The following OR7C1 variants were observed in gnomAD, a reference collection of about 807,000 sequenced individuals.
OR7C1 encodes the protein olfactory receptor 7C1.
For missense variants in OR7C1, 324 were observed against 383.3 expected, an observed-to-expected ratio of 0.85 and a Z score of 1.29; for synonymous variants, 152 against 160.7, an observed-to-expected ratio of 0.95 and a Z score of 0.41.
intron 1 of OR7C1, among the ~76,000 whole-genome samples, chr19:14,834,217 A>G (rs770644117): frequency 2.0e-5 from 3 of 152,196 alleles, no homozygotes; most frequent in Non-Finnish European, 2.9e-5. Flanking sequence ...AGCTGAGATC[A>G]TGCTACTGCA....
chr19:14,832,327 A>G (rs987206050), intron 1 of OR7C1, among the ~76,000 whole-genome samples: 6 of 152,178 alleles, frequency 3.9e-5, no homozygotes, highest in African/African-American at 1.4e-4. Flanking sequence ...CACAAGGTCA[A>G]AATGAGCAGG....
chr19:14,814,906 T>C (rs1013231560), intron 1 of OR7C1, among the ~76,000 whole-genome samples: 2 of 152,228 alleles, frequency 1.3e-5, no homozygotes, highest in African/African-American at 4.8e-5. Flanking sequence ...ACCATGAGAC[T>C]GGCAGAACAG....
At chr19:14,809,160 T>G (rs2044679395) in intron 2 of OR7C1, among the ~76,000 whole-genome samples, 1 of 151,970 alleles carries the variant, frequency 6.6e-6, no homozygotes, top group Admixed American at 6.5e-5. Flanking sequence ...AAACTCACTG[T>G]TGTGCTGATG....
chr19:14,827,343 G>A lies in OR7C1; in HGVS notation c.-623+7731C>T, dbSNP rs138862455. 1.5e-4 allele frequency: 236 copies of A among 1,595,118 alleles called. No individual in the cohort carries two copies. In the African/African-American group the frequency reaches 2.7e-3, roughly 18 times the overall value. On this transcript the variant is annotated intron_variant, in intron 1 of 4. Coordinates refer to ENST00000641666, the Ensembl canonical transcript of OR7C1. ...TCCCCACAACAAATGTATTCCCAGA[G>A]CCCTCTTTATGTCTTTATTCCTCAG...
rs140096971 is a variant in OR7C1, at chr19:14,819,392, C to T, written c.-622-9399G>A. On this transcript the variant is annotated intron_variant, in intron 1 of 4. Transcript: ENST00000641666. ...GTGTCCCCGTGTTCTCACTCTTCAG[C>T]TCCCAGTTATAAGTGGGAACATGTG... 6.1e-4 allele frequency among the ~76,000 whole-genome samples: 93 copies of T among 152,212 alleles called. 1 individual carries two copies. The highest frequency in any genetic ancestry group is 6.8e-3 in the Middle Eastern group (2 of 294).
intron 1 of OR7C1, among the ~76,000 whole-genome samples, chr19:14,818,105 TTTG>T (rs2044724690): frequency 6.6e-6 from 1 of 151,174 alleles, no homozygotes; most frequent in Admixed American, 6.6e-5. Context: ...TTTATTTATT[TTTG>T]AGACGGAGTC....
intron 2 of OR7C1, among the ~76,000 whole-genome samples, chr19:14,801,176 T>A (rs1157827186): frequency 1.3e-5 from 2 of 152,214 alleles, no homozygotes; most frequent in Non-Finnish European, 2.9e-5. Flanking sequence ...TTCTCCTCCA[T>A]GTCTTCCCTC....
exon 5 of OR7C1, chr19:14,798,969 T>G: frequency 3.9e-6 from 2 of 517,852 alleles, no homozygotes; most frequent in Non-Finnish European, 6.2e-6. Flanking sequence ...AGAAAAGAAA[T>G]GATTTTGAGG....
chr19:14,806,177 T>C (rs74962154), intron 2 of OR7C1, among the ~76,000 whole-genome samples: 4,238 of 151,982 alleles, frequency 0.028, 196 homozygotes, highest in African/African-American at 0.079. Flanking sequence ...TGTCCTTGGC[T>C]CCCCTCTACT....
rs530365279 is a variant in OR7C1 at position 14,817,171 on chromosome 19, G to A, written c.-622-7178C>T. Among the ~76,000 whole-genome samples, 701 of 152,310 alleles carry A rather than the reference G, an allele frequency of 4.6e-3. 7 individuals carry two copies. The highest frequency in any genetic ancestry group is 0.016 in the African/African-American group (672 of 41,550). On this transcript the variant is annotated intron_variant, in intron 1 of 4. Transcript: ENST00000641666. ...TAGCTAATCTGAGTCCCAGACTGGG[G>A]ACTGGGCTGAATGGGACCCTTCAGC...
At chr19:14,799,418 G>A (rs767100074) in exon 5 of OR7C1, 1 of 1,614,204 alleles carries the variant, frequency 6.2e-7, no homozygotes, top group East Asian at 2.2e-5. Context: ...GGAACCACAG[G>A]TGGAAAACGC....
chr19:14,813,234 G>A (rs751298345), intron 1 of OR7C1, among the ~76,000 whole-genome samples: 37 of 151,914 alleles, frequency 2.4e-4, no homozygotes, highest in Middle Eastern at 3.4e-3. Context: ...ATTATACACT[G>A]TATTAGTCCA....
exon 5 of OR7C1, chr19:14,799,651 A>C: frequency 1.9e-6 from 3 of 1,614,142 alleles, no homozygotes; most frequent in Non-Finnish European, 2.5e-6. Context: ...GCCTCAAAAC[A>C]GTCAAGGTCT....
At chr19:14,805,778 T>A (rs2044663804) in intron 2 of OR7C1, among the ~76,000 whole-genome samples, 1 of 151,934 alleles carries the variant, frequency 6.6e-6, no homozygotes, top group Admixed American at 6.6e-5. Flanking sequence ...GTTTTCTTTT[T>A]CTACCTTCCA....
chr19:14,814,805 A>G lies in OR7C1; in HGVS notation c.-622-4812T>C, dbSNP rs76923831. Among the ~76,000 whole-genome samples the G allele has an allele frequency of 1.6e-3, 251 of 152,312 alleles. 3 individuals carry two copies. The East Asian group carries it at 0.038, about 23-fold the overall frequency. On this transcript the variant is annotated intron_variant, in intron 1 of 4. Transcript: ENST00000641666. Reference sequence around the variant, plus strand: ...AACTTTTAAAACTTCACTTCCAGCCATGACGGGACGAGAGGTCAAACACAC... The same window carrying G: ...AACTTTTAAAACTTCACTTCCAGCCGTGACGGGACGAGAGGTCAAACACAC...
At chr19:14,810,741 A>T (rs1303048739) in intron 1 of OR7C1, among the ~76,000 whole-genome samples, 1 of 151,908 alleles carries the variant, frequency 6.6e-6, no homozygotes, top group Non-Finnish European at 1.5e-5. Flanking sequence ...CACTGGAGAC[A>T]GATTCTGGAG....
chr19:14,807,146 C>A (rs1281442847), intron 2 of OR7C1, among the ~76,000 whole-genome samples: 1 of 151,832 alleles, frequency 6.6e-6, no homozygotes, highest in Non-Finnish European at 1.5e-5. Flanking sequence ...TGATGTTGAG[C>A]TTTTTTTCAT....
At chr19:14,819,885 G>T (rs2044732949) in intron 1 of OR7C1, among the ~76,000 whole-genome samples, 1 of 151,912 alleles carries the variant, frequency 6.6e-6, no homozygotes, top group South Asian at 2.1e-4. Flanking sequence ...CTTTTTCTTT[G>T]ATCATTTATT....
chr19:14,824,092 A>T (rs1416548665), intron 1 of OR7C1, among the ~76,000 whole-genome samples: 1 of 152,220 alleles, frequency 6.6e-6, no homozygotes, highest in African/African-American at 2.4e-5. Flanking sequence ...TAATAAGTGT[A>T]TCCATACATG....
Sources: gnomAD v4.1 joint callset for allele counts (sites outside exome capture counted in the v4.1 genomes callset) on GRCh38, gnomAD v4.1.1 for gene constraint, MANE v1.5 for transcripts, NCBI Gene and HGNC (gene_info 2026-07-23, HGNC 2026-07-21) for gene names.